Variants in BID observed in about 807,000 individuals in gnomAD.
BID encodes BH3-interacting domain death agonist.
Under a neutral mutation model 17.4 loss-of-function variants are expected in BID, and 19 were observed. The observed-to-expected ratio is 1.09, with a 90% CI of 0.76 to 1.60. The LOEUF (loss-of-function observed/expected upper bound fraction) is 1.60. Ranked by LOEUF, BID falls within the 40% of genes most tolerant of loss-of-function variation. The pLI is 0.00. For missense variants in BID, 226 were observed against 256.0 expected (o/e 0.88, Z 0.80); for synonymous variants, 108 against 102.8 (o/e 1.05, Z -0.31).
In BID at chr22:17,739,700, C is replaced by T. The variant is rs567351288; in HGVS notation, c.224-212G>A. Reference sequence around the variant, plus strand: ...TGGGCAGTGCCGGAGCTCAGGGCCTCGGCTGAGGCCCAGGCTCCCGCACAC... The same window carrying T: ...TGGGCAGTGCCGGAGCTCAGGGCCTTGGCTGAGGCCCAGGCTCCCGCACAC... On this transcript the variant is annotated intron_variant, in intron 3 of 5. Transcript: ENST00000622694. 2.6e-4 allele frequency: 166 copies of T among 641,758 alleles called. 1 individual carries two copies. In the African/African-American group the frequency reaches 2.7e-3, roughly 10 times the overall value. 39.8% of individuals were successfully genotyped at this position (641,758 alleles called of 1,614,324 possible). A position where few individuals can be genotyped will look rare whatever the true frequency, so the allele number is the denominator to read the frequency against.
intron 1 of BID, among the ~76,000 whole-genome samples, chr22:17,762,193 T>C (rs1375045490): frequency 6.6e-6 from 1 of 152,128 alleles, no homozygotes; most frequent in African/African-American, 2.4e-5. Context: ...AGAAATGTTT[T>C]GTTTTATAAA....
chr22:17,756,469 T>G (rs1248018268), intron 1 of BID, among the ~76,000 whole-genome samples: 1 of 103,174 alleles, frequency 9.7e-6, no homozygotes, highest in Non-Finnish European at 2.2e-5. Context: ...CTTTCTTTCT[T>G]TCTTTCTTTT....
chr22:17,739,412 G>GCTA lies in BID; in HGVS notation c.297_299dup (p.Ser100dup), dbSNP rs756971064. 8.1e-6 allele frequency: 13 copies of GCTA among 1,611,502 alleles called. No homozygotes were observed. Among genetic ancestry groups the GCTA allele is most frequent in the African/African-American group, 1.3e-5 (1 of 74,948 alleles). ...GGCCGTTCACCAGGCCCGGAGGGAT[G>GCTA]CTACGGTCCATGCTGTCCCCGACCT... On this transcript the variant is annotated inframe_insertion, in exon 4 of 6. Coordinates refer to ENST00000622694, the MANE Select transcript of BID (RefSeq NM_001196.4).
At chr22:17,760,085 G>A (rs1451435703) in intron 1 of BID, among the ~76,000 whole-genome samples, 6 of 141,906 alleles carry the variant, frequency 4.2e-5, no homozygotes, top group Non-Finnish European at 9.0e-5. Context: ...AGTGAGCCGA[G>A]ATTGCGCCAC....
chr22:17,749,736 T>C (rs1448560587), intron 2 of BID, among the ~76,000 whole-genome samples: 2 of 152,188 alleles, frequency 1.3e-5, no homozygotes, highest in Non-Finnish European at 2.9e-5. Context: ...CAGCTCACTG[T>C]AGCCTCGACC....
intron 3 of BID, chr22:17,740,937 T>C (rs1212204432): frequency 6.6e-6 from 1 of 152,032 alleles, no homozygotes; most frequent in African/African-American, 2.4e-5. Context: ...ATGGGCCCTG[T>C]ACCTAGCTCC....
chr22:17,739,363 T>G lies in BID; in HGVS notation c.349A>C (p.Ser117Arg). 6.3e-7 allele frequency: 1 copy of G among 1,598,022 alleles called. No homozygotes were observed. Among genetic ancestry groups the G allele is most frequent in the Non-Finnish European group, 8.5e-7 (1 of 1,174,138 alleles). The change falls in exon 4 of 6, where the codon AGC (serine) becomes CGC (arginine). Residue 117 changes from serine (S) to arginine (R), a missense_variant. Coordinates refer to ENST00000622694, the MANE Select transcript of BID (RefSeq NM_001196.4). The part of the protein sequence containing the change: ...NGLALQLRNT[S>R]RSEEDRNRDL... ...CCCTCACTCACCTCCTCCGACCGGC[T>G]GGTGTTCCTGAGCTGCAGGGCCAGG...
At chr22:17,761,955 T>C (rs1601872789) in intron 1 of BID, among the ~76,000 whole-genome samples, 1 of 152,066 alleles carries the variant, frequency 6.6e-6, no homozygotes, top group South Asian at 2.1e-4. Context: ...TAGGAGAGAG[T>C]GTGGACCAGG....
intron 2 of BID, among the ~76,000 whole-genome samples, 162 bp from the exon 3 acceptor site, chr22:17,744,175 G>A (rs2061480301): frequency 6.6e-6 from 1 of 152,162 alleles, no homozygotes; most frequent in African/African-American, 2.4e-5. Flanking sequence ...ACAGGCAGAG[G>A]CAAGGTCTGC....
chr22:17,739,285 G>C (rs1032928530), intron 4 of BID, 64 bp downstream of exon 4: 14 of 1,472,650 alleles, frequency 9.5e-6, no homozygotes, highest in Non-Finnish European at 1.3e-5. Flanking sequence ...TGCCTGGTGA[G>C]AGGCAGGGGA....
chr22:17,758,012 A>G (rs1330883384), intron 1 of BID, among the ~76,000 whole-genome samples: 1 of 152,224 alleles, frequency 6.6e-6, no homozygotes, highest in East Asian at 1.9e-4. Context: ...CATAGACTCT[A>G]GTTACTGCAT....
chr22:17,757,893 C>T (rs995631757), intron 1 of BID, among the ~76,000 whole-genome samples: 2 of 152,274 alleles, frequency 1.3e-5, no homozygotes, highest in East Asian at 1.9e-4. Context: ...CCCATCGATC[C>T]GTTACGTGCA....
chr22:17,743,812 T>C lies in BID; in HGVS notation c.214A>G (p.Ile72Val). The C allele has an allele frequency of 6.2e-7, 1 of 1,612,284 alleles. No individual in the cohort carries two copies. Among genetic ancestry groups the C allele is most frequent in the Non-Finnish European group, 8.5e-7 (1 of 1,179,448 alleles). The change falls in exon 3 of 6, where the codon ATA becomes GTA. Residue 72 changes from isoleucine to valine, a missense_variant. Physicochemically the swap from Ile to Val is conservative, Grantham distance 29. Coordinates refer to ENST00000622694, the MANE Select transcript of BID (RefSeq NM_001196.4). ...GGGGCCGGCCGCCTACCTGCCTCTA[T>C]TCTTCCCAAGCGGGAGTGGCTGCTG... is the stretch of plus-strand genomic sequence containing the variant. ...NRSSHSRLGR[I>V]EADSESQEDI...
chr22:17,739,404 G>T lies in BID; in HGVS notation c.308C>A (p.Pro103Gln). ...CAGGGCCAGGCCGTTCACCAGGCCC[G>T]GAGGGATGCTACGGTCCATGCTGTC... ...VGDSMDRSIP[P>Q]GLVNGLALQL... is the part of the protein sequence containing the mutation. Residue 103 changes from proline (P) to glutamine (Q), a missense_variant, in exon 4 of 6, where the codon CCG (proline) becomes CAG (glutamine). Physicochemically the swap from Pro to Gln is moderately conservative, Grantham distance 76 (BLOSUM62 -1). Transcript: ENST00000622694. 6.2e-7 allele frequency: 1 copy of T among 1,610,896 alleles called. No individual in the cohort carries two copies.
At chr22:17,748,981 C>T (rs1411655753) in intron 2 of BID, among the ~76,000 whole-genome samples, 1 of 152,170 alleles carries the variant, frequency 6.6e-6, no homozygotes, top group Non-Finnish European at 1.5e-5. Context: ...AGCCCTCCAG[C>T]CACCACGCTG....
chr22:17,759,528 G>C (rs2061621147), intron 1 of BID, among the ~76,000 whole-genome samples: 1 of 151,916 alleles, frequency 6.6e-6, no homozygotes, highest in African/African-American at 2.4e-5. Context: ...CTCCAGCCTG[G>C]GTGACAGAGT....
rs2061736012 is a variant in BID at position 17,773,545 on chromosome 22, C to T, written c.-59+836G>A. On this transcript the variant is annotated intron_variant, in intron 1 of 5. Coordinates refer to ENST00000622694, the MANE Select transcript of BID (RefSeq NM_001196.4). This position sits in a 1 kb window ranked among gnomAD's most constrained non-coding sequence, Gnocchi z 4.4. The stretch of plus-strand genomic sequence containing the variant: ...GGTGGGTCCATCTGCTCCTCACCTG[C>T]CCCAACCCTGCCTGCAGGTGAAGGC... 3 of 1,569,644 alleles carry T rather than the reference C, an allele frequency of 1.9e-6. No homozygotes were observed. Among genetic ancestry groups the T allele is most frequent in the Non-Finnish European group, 2.6e-6 (3 of 1,146,494 alleles).
rs1569035574 is a variant in BID, at chr22:17,735,455, G to GCTAT, written c.*121_*124dup. ...CATTGTCTTTAAAATAGAAGTCACA[G>GCTAT]CTATCTTCCAGCCTGTCTTCTCTAG... On this transcript the variant is annotated 3_prime_UTR_variant, in exon 6 of 6. Transcript: ENST00000622694. 9 of 1,068,244 alleles carry GCTAT rather than the reference G, an allele frequency of 8.4e-6. No homozygotes were observed. The highest frequency in any genetic ancestry group is 2.7e-5 in the South Asian group (2 of 73,144). 66.2% of individuals were successfully genotyped at this position (1,068,244 alleles called of 1,614,324 possible).
chr22:17,753,052 C>T lies in BID; in HGVS notation c.-58-2878G>A, dbSNP rs904494164. On this transcript the variant is annotated intron_variant, in intron 1 of 5. Coordinates refer to ENST00000622694, the MANE Select transcript of BID (RefSeq NM_001196.4). ...CGCAATCTCGGCTCACTGCAAGCTCCGCCTCCCGGGTTCACGCCATTCTCC... is the reference window on the plus strand; with the variant it reads ...CGCAATCTCGGCTCACTGCAAGCTCTGCCTCCCGGGTTCACGCCATTCTCC... Among the ~76,000 whole-genome samples, 7 of 149,276 alleles carry T rather than the reference C, an allele frequency of 4.7e-5. No individual in the cohort carries two copies. The East Asian group carries it at 7.9e-4, about 17-fold the overall frequency.
Sources: allele counts gnomAD v4.1 joint callset (sites outside exome capture counted in the v4.1 genomes callset), GRCh38; gene constraint gnomAD v4.1.1; non-coding constraint Gnocchi (gnomAD v3.1); transcripts MANE v1.5; gene names NCBI Gene and HGNC (gene_info 2026-07-23, HGNC 2026-07-21).